PRIM2: variants seen among roughly 807,000 people sequenced by gnomAD.
PRIM2 encodes the protein DNA primase large subunit.
A neutral mutation model predicts 67.3 loss-of-function variants in PRIM2; 39 were observed. The observed-to-expected ratio is 0.58, with a 90% confidence interval of 0.45 to 0.76. The LOEUF (loss-of-function observed/expected upper bound fraction) is 0.76. Among genes scored for constraint, PRIM2 ranks in the 30% least tolerant of loss-of-function variants. PRIM2 has a pLI of 0.00. For synonymous variants in PRIM2, 143 were observed against 198.7 expected (o/e 0.72, Z 2.36); for missense variants, 398 against 598.7 (o/e 0.66, Z 3.50).
At chr6:57,292,303 C>T in the PRIM2 span, among the ~76,000 whole-genome samples, 73 of 152,196 alleles carry the variant, frequency 4.8e-4, no homozygotes, top group African/African-American at 1.7e-3. Flanking sequence ...TGTGAAGGAC[C>T]TCTTCAAGGA....
the PRIM2 span, among the ~76,000 whole-genome samples, chr6:57,239,072 C>T: frequency 6.6e-6 from 1 of 152,082 alleles, no homozygotes; most frequent in South Asian, 2.1e-4. Context: ...CCCACTGCAA[C>T]TTCTGCCTCC....
the PRIM2 span, among the ~76,000 whole-genome samples, chr6:57,309,125 G>C: frequency 6.6e-6 from 1 of 151,446 alleles, no homozygotes; most frequent in African/African-American, 2.4e-5. Context: ...TGAGATTAGG[G>C]AGTGGTGATG....
intron 10 of PRIM2, among the ~76,000 whole-genome samples, chr6:57,546,461 A>G (rs1262541026): frequency 2.0e-5 from 3 of 152,210 alleles, no homozygotes; most frequent in African/African-American, 7.2e-5. Context: ...GTCGAGAAAG[A>G]AATGAGAGCA....
intron 7 of PRIM2, among the ~76,000 whole-genome samples, chr6:57,459,255 A>T (rs1772917431): frequency 6.6e-6 from 1 of 152,152 alleles, no homozygotes; most frequent in African/African-American, 2.4e-5. Context: ...AGCACTCAAC[A>T]CATGAGAAGA....
At chr6:57,443,436 G>A (rs1038522274) in intron 7 of PRIM2, among the ~76,000 whole-genome samples, 7 of 152,144 alleles carry the variant, frequency 4.6e-5, no homozygotes, top group Admixed American at 3.3e-4. Flanking sequence ...TTTGATAAAA[G>A]CCATTCTGGC....
chr6:57,225,536 G>A, the PRIM2 span, among the ~76,000 whole-genome samples: 2 of 152,184 alleles, frequency 1.3e-5, no homozygotes, highest in African/African-American at 4.8e-5. Context: ...GACTAGAAAT[G>A]AGTTTCACAA....
chr6:57,393,164 A>G (rs1040796853), intron 7 of PRIM2, among the ~76,000 whole-genome samples: 4 of 149,202 alleles, frequency 2.7e-5, no homozygotes, highest in Non-Finnish European at 5.9e-5. Flanking sequence ...TTCCTCTGGT[A>G]GATACCCAGT....
chr6:57,419,423 C>T (rs1366175603), intron 7 of PRIM2, among the ~76,000 whole-genome samples: 1 of 152,054 alleles, frequency 6.6e-6, no homozygotes, highest in African/African-American at 2.4e-5. Context: ...ATTTATAAAG[C>T]CTGTAATGGC....
the PRIM2 span, among the ~76,000 whole-genome samples, chr6:57,309,686 T>C: frequency 3.3e-5 from 5 of 152,120 alleles, no homozygotes; most frequent in East Asian, 1.9e-4. Flanking sequence ...TACCCAGTAA[T>C]GGGATGGCTG....
chr6:57,358,115 A>G (rs1219005674), intron 5 of PRIM2, among the ~76,000 whole-genome samples: 1 of 152,220 alleles, frequency 6.6e-6, no homozygotes, highest in Non-Finnish European at 1.5e-5. Flanking sequence ...AGCACCCTAG[A>G]AACTGTTTGG....
At chr6:57,551,282 T>A (rs1775396350) in intron 10 of PRIM2, among the ~76,000 whole-genome samples, 1 of 152,176 alleles carries the variant, frequency 6.6e-6, no homozygotes, top group African/African-American at 2.4e-5. Context: ...AAAGCAGGAA[T>A]CCTAATCAGG....
chr6:57,268,190 G>C, the PRIM2 span, among the ~76,000 whole-genome samples: 1 of 152,120 alleles, frequency 6.6e-6, no homozygotes, highest in Non-Finnish European at 1.5e-5. Context: ...TGTCTTCCTA[G>C]TCATATTCCT....
chr6:57,254,714 G>A, the PRIM2 span, among the ~76,000 whole-genome samples: 5 of 40,926 alleles, frequency 1.2e-4, no homozygotes, highest in African/African-American at 3.9e-4. Context: ...CCACAAACAA[G>A]TTTATTGGGG....
In PRIM2 at chr6:57,612,639, A is replaced by C. The variant is rs1202006826; in HGVS notation, c.1230+6182A>C. ...TGATTGCAGGGTAATATCAAAACTG[A>C]ATTTGTCAAATGTTGCAGAACTATG... On this transcript the variant is annotated intron_variant, in intron 12 of 13. Coordinates refer to ENST00000615550, the MANE Select transcript of PRIM2 (RefSeq NM_000947.5). Among the ~76,000 whole-genome samples, 464 of 152,334 alleles carry C rather than the reference A, an allele frequency of 3.0e-3. 4 individuals are homozygous for C. The highest frequency in any genetic ancestry group is 0.027 in the Admixed American group (418 of 15,296).
intron 7 of PRIM2, among the ~76,000 whole-genome samples, chr6:57,455,591 A>G (rs1230366710): frequency 1.3e-5 from 2 of 151,960 alleles, no homozygotes; most frequent in East Asian, 3.9e-4. Flanking sequence ...CTGTTTTATC[A>G]GAGACTAGGA....
At chr6:57,430,447 GTTTTTTTTTTTTTTTT>G (rs71687266) in intron 7 of PRIM2, among the ~76,000 whole-genome samples, 1 of 78,136 alleles carries the variant, frequency 1.3e-5, no homozygotes, top group Non-Finnish European at 2.5e-5. Context: ...TTCTTTCTTT[GTTTTTTTTTTTTTTTT>G]TTTTTTTTGA....
At chr6:57,409,637 A>G (rs1297941597) in intron 7 of PRIM2, among the ~76,000 whole-genome samples, 1 of 152,138 alleles carries the variant, frequency 6.6e-6, no homozygotes. Flanking sequence ...AAAAGTTGAT[A>G]TTGTCAGTTT....
chr6:57,480,664 C>G (rs1192628135), intron 7 of PRIM2, among the ~76,000 whole-genome samples: 24 of 152,196 alleles, frequency 1.6e-4, no homozygotes, highest in African/African-American at 5.5e-4. Context: ...GAGTCTCACT[C>G]TGTCGCCAGG....
intron 13 of PRIM2, among the ~76,000 whole-genome samples, chr6:57,643,224 A>G (rs1278157380): frequency 1.3e-5 from 2 of 152,210 alleles, no homozygotes; most frequent in Non-Finnish European, 2.9e-5. Context: ...AGATATTATT[A>G]TAGCATAAGA....
Sources: gnomAD v4.1 joint callset for allele counts (sites outside exome capture counted in the v4.1 genomes callset) on GRCh38, gnomAD v4.1.1 for gene constraint, MANE v1.5 for transcripts, NCBI Gene and HGNC (gene_info 2026-07-23, HGNC 2026-07-21) for gene names.